Variants in FAM169A observed in about 807,000 individuals in gnomAD.
FAM169A encodes soluble lamin-associated protein of 75 kDa.
Under a neutral mutation model 75.7 loss-of-function variants are expected in FAM169A, and 24 were observed. The ratio of observed to expected loss-of-function variants is 0.32; its 90% CI spans 0.23 to 0.45. The LOEUF is 0.45. FAM169A is among the 20% of genes least tolerant of loss of function. The pLI is 1.00. For synonymous variants in FAM169A, 271 were observed against 271.0 expected, an observed-to-expected ratio of 1.00 and a Z score of 0.00; for missense variants, 673 against 784.0, an observed-to-expected ratio of 0.86 and a Z score of 1.69.
At position 74,836,712 on chromosome 5, in the gene FAM169A, C is replaced by G. The variant is rs1748587768; in HGVS notation, c.319-2115G>C. 2.0e-5 allele frequency among the ~76,000 whole-genome samples: 3 copies of G among 152,122 alleles called. No individual in the cohort carries two copies. In the South Asian group the frequency reaches 6.2e-4, roughly 32 times the overall value. The stretch of plus-strand genomic sequence containing the variant: ...CCTGTAATCCCAGCACTGTGGGAGG[C>G]CAAGGCAGGTGGATCACTTGTGGTC... On this transcript the variant is annotated intron_variant, in intron 4 of 12. Transcript: ENST00000687041.
At chr5:74,846,526 T>C (rs937258894) in intron 1 of FAM169A, among the ~76,000 whole-genome samples, 2 of 152,218 alleles carry the variant, frequency 1.3e-5, no homozygotes, top group African/African-American at 4.8e-5. Context: ...TAATTTCATA[T>C]TTAAAATTCT....
intron 8 of FAM169A, among the ~76,000 whole-genome samples, chr5:74,804,193 AAC>A (rs1379929210): frequency 6.6e-6 from 1 of 152,156 alleles, no homozygotes; most frequent in Non-Finnish European, 1.5e-5. Context: ...CAAAAATTTT[AAC>A]AGTGGCTATA....
intron 10 of FAM169A, chr5:74,799,808 G>A: frequency 2.8e-6 from 3 of 1,083,934 alleles, no homozygotes; most frequent in Non-Finnish European, 4.3e-6. Flanking sequence ...CAATGCTCTT[G>A]AACTACGATG....
intron 11 of FAM169A, among the ~76,000 whole-genome samples, chr5:74,792,628 T>A (rs1746038794): frequency 6.6e-6 from 1 of 152,120 alleles, no homozygotes; most frequent in Non-Finnish European, 1.5e-5. Context: ...TTTATATACA[T>A]CTATCCTATT....
intron 10 of FAM169A, among the ~76,000 whole-genome samples, chr5:74,800,411 A>G (rs537880870): frequency 8.6e-5 from 13 of 151,536 alleles, no homozygotes; most frequent in South Asian, 2.1e-4. Flanking sequence ...ATGCGGGGGG[A>G]AAAAAACTGA....
chr5:74,809,390 C>G (rs1747052560), intron 6 of FAM169A, among the ~76,000 whole-genome samples: 1 of 151,660 alleles, frequency 6.6e-6, no homozygotes, highest in Non-Finnish European at 1.5e-5. Flanking sequence ...GTCAGGAGAT[C>G]GAGACCATCC....
chr5:74,783,166 G>C (rs1396166586), intron 11 of FAM169A, 32 bp from the exon 12 acceptor site: 11 of 1,511,384 alleles, frequency 7.3e-6, no homozygotes, highest in Admixed American at 1.8e-5. Context: ...AAAAAGTAAG[G>C]ACATGATTAC....
At chr5:74,840,897 GC>G (rs1475730528) in intron 2 of FAM169A, among the ~76,000 whole-genome samples, 3 of 150,800 alleles carry the variant, frequency 2.0e-5, no homozygotes, top group Non-Finnish European at 4.4e-5. Flanking sequence ...CTACTAATAT[GC>G]TTTAACATTT....
Position 74,834,447 on chromosome 5 carries a change from AC to A in FAM169A, c.468del (p.Tyr158IlefsTer28). ...KILWKKGEAI[G>X]FYSVKPTGSI... Reference sequence around the variant, plus strand: ...TCACCTGTAGGCTTAACTGAATAAAACCCAATGGCCTCTCCTTTCTTCCACA... The same window carrying A: ...TCACCTGTAGGCTTAACTGAATAAAACCAATGGCCTCTCCTTTCTTCCACA... On this transcript the variant is annotated frameshift_variant, in exon 5 of 13. Transcript: ENST00000687041. LOFTEE classifies it high-confidence loss of function. 1 of 1,544,726 alleles carries A rather than the reference AC, an allele frequency of 6.5e-7. No homozygotes were observed. Among genetic ancestry groups the A allele is most frequent in the Non-Finnish European group, 8.7e-7 (1 of 1,143,930 alleles).
Position 74,820,477 on chromosome 5 carries a change from C to A in FAM169A, c.491-6458G>T, listed in dbSNP as rs553070096. ...ACCAATTTTTTAGTAAACCTCGCCCCTACTCGCCCACTCTAGGAACTCATG... is the reference window on the plus strand; with the variant it reads ...ACCAATTTTTTAGTAAACCTCGCCCATACTCGCCCACTCTAGGAACTCATG... On this transcript the variant is annotated intron_variant, in intron 5 of 12. Coordinates refer to ENST00000687041, the MANE Select transcript of FAM169A (RefSeq NM_001376049.1). 8.0e-4 allele frequency among the ~76,000 whole-genome samples: 122 copies of A among 152,290 alleles called. 1 individual carries two copies. The highest frequency in any genetic ancestry group is 1.7e-3 in the Admixed American group (26 of 15,300).
chr5:74,866,525 G>T, upstream of FAM169A: 1 of 585,926 alleles, frequency 1.7e-6, no homozygotes, highest in Non-Finnish European at 2.1e-6. Context: ...GCTTTCAGGC[G>T]CCGGCCCGGC....
intron 5 of FAM169A, among the ~76,000 whole-genome samples, chr5:74,818,103 C>A (rs543936717): frequency 4.6e-5 from 7 of 152,152 alleles, no homozygotes; most frequent in Non-Finnish European, 1.0e-4. Context: ...TTAGGCAGAG[C>A]CTTCTTAGAT....
At chr5:74,841,826 CCTG>C (rs1748882385) in intron 1 of FAM169A, 147 bp from the exon 2 acceptor site, 3 of 648,612 alleles carry the variant, frequency 4.6e-6, no homozygotes, top group Non-Finnish European at 7.6e-6. Context: ...ACAACTTGAA[CCTG>C]CTGATTTAAC....
chr5:74,814,705 T>C (rs1747381096), intron 5 of FAM169A, among the ~76,000 whole-genome samples: 1 of 152,182 alleles, frequency 6.6e-6, no homozygotes, highest in Non-Finnish European at 1.5e-5. Flanking sequence ...CTCTCCTTAT[T>C]ATACAGCTAT....
At chr5:74,804,205 A>T (rs1746734749) in intron 8 of FAM169A, among the ~76,000 whole-genome samples, 1 of 152,148 alleles carries the variant, frequency 6.6e-6, no homozygotes, top group Admixed American at 6.5e-5. Context: ...CAGTGGCTAT[A>T]TCTGAATAGT....
chr5:74,843,988 A>C (rs973351774), intron 1 of FAM169A, among the ~76,000 whole-genome samples: 4 of 152,220 alleles, frequency 2.6e-5, no homozygotes, highest in Non-Finnish European at 5.9e-5. Context: ...GAAATATGTT[A>C]AATGATGCCT....
chr5:74,781,538 A>T lies in FAM169A; in HGVS notation c.1935T>A (p.Pro645=). 6.2e-7 allele frequency: 1 copy of T among 1,614,186 alleles called. No homozygotes were observed. Among genetic ancestry groups the T allele is most frequent in the Non-Finnish European group, 8.5e-7 (1 of 1,180,016 alleles). Residue 645 remains proline (P), a synonymous_variant, in exon 13 of 13, where the codon CCT becomes CCA. Transcript: ENST00000687041. ...SSSEEIEVEV[P]VVDRRNLRRK... ...TTCTTAAATTCCGCCTGTCTACCAC[A>T]GGCACTTCCACTTCTATTTCCTCTG... is the stretch of plus-strand genomic sequence containing the variant.
In FAM169A at chr5:74,781,969, C is replaced by G. The variant is rs1470407766; in HGVS notation, c.1504G>C (p.Gly502Arg). ...IPDSEMLMDEGTSDEKGHMEE... is the reference protein window; with the variant it reads ...IPDSEMLMDERTSDEKGHMEE... ...ATGTGCCCCTTTTCATCAGATGTGC[C>G]TTCATCCATCAACATTTCTGAGTCA... The change falls in exon 13 of 13, where the codon GGC (glycine) becomes CGC (arginine). Residue 502 changes from glycine to arginine, a missense_variant. Coordinates refer to ENST00000687041, the MANE Select transcript of FAM169A (RefSeq NM_001376049.1). The G allele has an allele frequency of 1.4e-5, 22 of 1,613,534 alleles. No homozygotes were observed. Among genetic ancestry groups the G allele is most frequent in the Non-Finnish European group, 1.8e-5 (21 of 1,179,600 alleles).
chr5:74,853,672 A>G (rs1580169350), intron 1 of FAM169A, among the ~76,000 whole-genome samples: 2 of 146,790 alleles, frequency 1.4e-5, no homozygotes, highest in South Asian at 2.2e-4. Flanking sequence ...CGGACTTTCT[A>G]TATCTAATCA....
Sources: gnomAD v4.1 joint callset for allele counts (sites outside exome capture counted in the v4.1 genomes callset) on GRCh38, gnomAD v4.1.1 for gene constraint, MANE v1.5 for transcripts, NCBI Gene and HGNC (gene_info 2026-07-23, HGNC 2026-07-21) for gene names.